ANKRD12: variants seen among roughly 807,000 people sequenced by gnomAD.
The protein encoded by ANKRD12 is ankyrin repeat domain-containing protein 12.
ANKRD12 carries 85 observed loss-of-function variants against 183.4 expected under a neutral mutation model. The ratio of observed to expected loss-of-function variants is 0.46; its 90% CI spans 0.39 to 0.56. The LOEUF is 0.56. Among genes scored for constraint, ANKRD12 ranks in the 20% least tolerant of loss-of-function variants. ANKRD12 has a pLI of 0.00. For synonymous variants in ANKRD12, 914 were observed against 800.2 expected, an observed-to-expected ratio of 1.14 and a Z score of -2.40; for missense variants, 2,405 against 2,357.1, an observed-to-expected ratio of 1.02 and a Z score of -0.42.
At chr18:9,161,507 C>CT (rs1352341147) in intron 1 of ANKRD12, among the ~76,000 whole-genome samples, 3 of 151,904 alleles carry the variant, frequency 2.0e-5, no homozygotes, top group Non-Finnish European at 4.4e-5. Context: ...TCCTGAGTAG[C>CT]TGGGACCACA....
chr18:9,234,749 C>G (rs1348256122), intron 8 of ANKRD12, among the ~76,000 whole-genome samples: 1 of 152,116 alleles, frequency 6.6e-6, no homozygotes, highest in Non-Finnish European at 1.5e-5. Context: ...GGGATAGTGA[C>G]CCAGTGCAAG....
chr18:9,264,855 T>C (rs2039187750), intron 10 of ANKRD12, among the ~76,000 whole-genome samples: 1 of 152,158 alleles, frequency 6.6e-6, no homozygotes, highest in Admixed American at 6.5e-5. Context: ...TAAGAATTCT[T>C]GAGGGGTGGA....
At chr18:9,268,781 G>T (rs1005384249) in intron 10 of ANKRD12, among the ~76,000 whole-genome samples, 6 of 152,186 alleles carry the variant, frequency 3.9e-5, no homozygotes, top group African/African-American at 2.4e-5. Context: ...GGGCAATCAG[G>T]CAGGAGAAGG....
chr18:9,157,603 ATTTTT>A (rs560783016), intron 1 of ANKRD12, among the ~76,000 whole-genome samples: 3 of 84,642 alleles, frequency 3.5e-5, no homozygotes, highest in Non-Finnish European at 4.5e-5. Flanking sequence ...ATATATATGT[ATTTTT>A]TTTTTTTTTT....
chr18:9,160,556 C>T (rs2031264038), intron 1 of ANKRD12, among the ~76,000 whole-genome samples: 1 of 152,222 alleles, frequency 6.6e-6, no homozygotes, highest in Non-Finnish European at 1.5e-5. Context: ...CATATTTTCC[C>T]AGTCCCCTGG....
At chr18:9,181,205 A>G (rs2033675424) in intron 1 of ANKRD12, among the ~76,000 whole-genome samples, 1 of 152,190 alleles carries the variant, frequency 6.6e-6, no homozygotes. Flanking sequence ...TTTGTGTTGT[A>G]ATGTATTCTG....
Position 9,270,509 on chromosome 18 carries a change from G to A in ANKRD12, c.5764-5015G>A, listed in dbSNP as rs143983465. Among the ~76,000 whole-genome samples, 975 of 152,190 alleles carry A rather than the reference G, an allele frequency of 6.4e-3. 7 individuals are homozygous for A. The highest frequency in any genetic ancestry group is 0.017 in the Middle Eastern group (5 of 294). On this transcript the variant is annotated intron_variant, in intron 10 of 12. Transcript: ENST00000262126. ...AAACCATCATTCTCAGCAAACTATC[G>A]CAAGGACAAAAAACCAAACAGTGCA...
chr18:9,165,990 G>A (rs539412702), intron 1 of ANKRD12, among the ~76,000 whole-genome samples: 1 of 151,062 alleles, frequency 6.6e-6, no homozygotes, highest in African/African-American at 2.4e-5. Context: ...TTGTCCTTGC[G>A]ATAGTTTGCT....
Position 9,258,595 on chromosome 18 carries a change from T to C in ANKRD12, c.5328T>C (p.Asp1776=). 3 of 1,613,890 alleles carry C rather than the reference T, an allele frequency of 1.9e-6. No individual in the cohort carries two copies. The East Asian group carries it at 6.7e-5, about 36-fold the overall frequency. The change falls in exon 9 of 13, where the codon GAT becomes GAC. Residue 1776 remains aspartate (D), a synonymous_variant. Coordinates refer to ENST00000262126, the MANE Select transcript of ANKRD12 (RefSeq NM_015208.5). ...SPRGRIRLTE[D]DDPQIHHPRK... is the part of the protein sequence containing the mutation. ...GAGGAAGAATAAGATTAACTGAAGA[T>C]GACGATCCTCAAATTCACCATCCAC...
chr18:9,160,029 G>A (rs1357907118), intron 1 of ANKRD12, among the ~76,000 whole-genome samples: 1 of 151,958 alleles, frequency 6.6e-6, no homozygotes, highest in Middle Eastern at 3.2e-3. Flanking sequence ...CCGCACTTTG[G>A]GAGTCCGAGG....
intron 8 of ANKRD12, among the ~76,000 whole-genome samples, chr18:9,224,057 C>A (rs1347945218): frequency 3.9e-5 from 6 of 152,042 alleles, no homozygotes; most frequent in African/African-American, 1.4e-4. Context: ...TATTTCTAGA[C>A]AATATAGCAG....
chr18:9,183,087 T>A (rs759859973), intron 2 of ANKRD12, among the ~76,000 whole-genome samples: 3 of 152,202 alleles, frequency 2.0e-5, no homozygotes, highest in Non-Finnish European at 4.4e-5. Flanking sequence ...ATTGCCATCA[T>A]TGTGGAAAGG....
At position 9,239,519 on chromosome 18, in the gene ANKRD12, T is replaced by G. The variant is rs745811843; in HGVS notation, c.944-14692T>G. The stretch of plus-strand genomic sequence containing the variant: ...TGGTGAATGTGCCTGAATTATTGCT[T>G]GGTCAAAGTCCCTCAAGGAATGATA... On this transcript the variant is annotated intron_variant, in intron 8 of 12. Transcript: ENST00000262126. 5 of 1,287,982 alleles carry G rather than the reference T, an allele frequency of 3.9e-6. No homozygotes were observed. In the South Asian group the frequency reaches 6.2e-5, roughly 16 times the overall value. 79.8% of individuals were successfully genotyped at this position (1,287,982 alleles called of 1,614,324 possible).
At chr18:9,202,498 C>T (rs2035232092) in intron 3 of ANKRD12, among the ~76,000 whole-genome samples, 1 of 152,084 alleles carries the variant, frequency 6.6e-6, no homozygotes, top group Non-Finnish European at 1.5e-5. Flanking sequence ...CCTGATATTT[C>T]ATTATAAAAA....
intron 8 of ANKRD12, among the ~76,000 whole-genome samples, chr18:9,223,865 C>G (rs908860411): frequency 1.3e-5 from 2 of 151,970 alleles, no homozygotes; most frequent in Non-Finnish European, 2.9e-5. Flanking sequence ...CGTGACGAGA[C>G]CAGAGTTGTT....
At position 9,258,302 on chromosome 18, in the gene ANKRD12, T is replaced by A. The variant is rs755876473; in HGVS notation, c.5035T>A (p.Leu1679Met). 1.1e-5 allele frequency: 17 copies of A among 1,613,652 alleles called. No individual in the cohort carries two copies. In the Admixed American group the frequency reaches 2.5e-4, roughly 24 times the overall value. ...ACATTGTCCTGAAAGTGAAAAGTGT[T>A]TGCTTTCCATAGAAGATGAGGAATC... ...PKHCPESEKCLLSIEDEESQQ... is the reference protein window; with the variant it reads ...PKHCPESEKCMLSIEDEESQQ... The change falls in exon 9 of 13, where the codon TTG becomes ATG. Residue 1679 changes from leucine to methionine, a missense_variant. Leu to Met is a conservative substitution (Grantham distance 15). This residue lies in a region of ANKRD12 where 1,983 missense variants were observed against 1,725.9 expected (regional missense o/e 1.15). Transcript: ENST00000262126.
At chr18:9,261,350 G>A (rs1270560731) in intron 9 of ANKRD12, among the ~76,000 whole-genome samples, 1 of 152,212 alleles carries the variant, frequency 6.6e-6, no homozygotes, top group Non-Finnish European at 1.5e-5. Context: ...GTTCACTGCA[G>A]AACTTACCAG....
chr18:9,147,237 A>G (rs1207169039), intron 1 of ANKRD12, among the ~76,000 whole-genome samples: 26 of 152,140 alleles, frequency 1.7e-4, no homozygotes, highest in Non-Finnish European at 1.5e-5. Context: ...CGATTATTTA[A>G]GTAGTTAAAA....
intron 8 of ANKRD12, among the ~76,000 whole-genome samples, chr18:9,229,395 T>C (rs2036913522): frequency 6.6e-6 from 1 of 152,218 alleles, no homozygotes; most frequent in African/African-American, 2.4e-5. Context: ...GCTTGGTCAC[T>C]GTAATGACAT....
Sources: gnomAD v4.1 joint callset for allele counts (sites outside exome capture counted in the v4.1 genomes callset) on GRCh38, gnomAD v4.1.1 for gene constraint, gnomAD v4.1.1 regional missense constraint, MANE v1.5 for transcripts, NCBI Gene and HGNC (gene_info 2026-07-23, HGNC 2026-07-21) for gene names.